SFI1: variants seen among roughly 807,000 people sequenced by gnomAD.
SFI1 encodes SFI1 centrin binding protein.
SFI1 carries 195 observed loss-of-function variants against 207.5 expected under a neutral mutation model. The observed-to-expected ratio is 0.94, with a 90% CI of 0.84 to 1.06. SFI1 has a LOEUF of 1.06. Ranked by LOEUF, SFI1 falls within the 50% of genes least tolerant of loss-of-function variation. SFI1 has a pLI of 0.00. For missense variants in SFI1, 1,634 were observed against 1,588.0 expected (o/e 1.03, Z -0.49); for synonymous variants, 630 against 598.9 (o/e 1.05, Z -0.76).
rs1185259950 is a variant in SFI1 at position 31,602,741 on chromosome 22, A to T, written c.1761A>T (p.Lys587Asn). Residue 587 changes from lysine (K) to asparagine (N), a missense_variant, in exon 17 of 33, where the codon AAA (lysine) becomes AAT (asparagine). By Grantham distance (94) the Lys-to-Asn change is moderately conservative. Coordinates refer to ENST00000400288, the MANE Select transcript of SFI1 (RefSeq NM_001007467.3). Reference sequence around the variant, plus strand: ...ACCACCGCCACGGGCGGCTCAAGAAAGCTTTCTGCCTCTGGAGGGAAAGTG... The same window carrying T: ...ACCACCGCCACGGGCGGCTCAAGAATGCTTTCTGCCTCTGGAGGGAAAGTG... The part of the protein sequence containing the change: ...CAHHRHGRLK[K>N]AFCLWRESAQ... 23 of 1,614,090 alleles carry T rather than the reference A, an allele frequency of 1.4e-5. No individual in the cohort carries two copies. Among genetic ancestry groups the T allele is most frequent in the Non-Finnish European group, 1.9e-5 (23 of 1,180,024 alleles).
At chr22:31,538,183 G>A (rs1224140328) in intron 4 of SFI1, among the ~76,000 whole-genome samples, 34 of 151,568 alleles carry the variant, frequency 2.2e-4, no homozygotes, top group Admixed American at 1.8e-3. Flanking sequence ...TGTTGGTCTC[G>A]AACTCCTAAC....
intron 4 of SFI1, 52 bp downstream of exon 4, chr22:31,531,181 C>A (rs1028305116): frequency 1.4e-6 from 2 of 1,455,010 alleles, no homozygotes; most frequent in African/African-American, 1.4e-5. Context: ...CTAGGGTTTT[C>A]TTTTATATTA....
intron 1 of SFI1, among the ~76,000 whole-genome samples, chr22:31,496,865 C>T (rs1478461581): frequency 6.6e-6 from 1 of 152,182 alleles, no homozygotes; most frequent in Non-Finnish European, 1.5e-5. Flanking sequence ...CTGCCATCCT[C>T]TCCCGCCGCG....
chr22:31,543,156 G>C (rs1409495570), intron 4 of SFI1, among the ~76,000 whole-genome samples: 1 of 151,766 alleles, frequency 6.6e-6, no homozygotes, highest in Non-Finnish European at 1.5e-5. Flanking sequence ...ATTTTTAATA[G>C]AGATGGGGTT....
At chr22:31,570,583 C>T (rs2145782838) in intron 8 of SFI1, among the ~76,000 whole-genome samples, 1 of 152,172 alleles carries the variant, frequency 6.6e-6, no homozygotes, top group South Asian at 2.1e-4. Context: ...TTCAGGAGTT[C>T]TTAGTAGGCA....
At chr22:31,511,485 T>TTTTC (rs1480397674) in intron 2 of SFI1, among the ~76,000 whole-genome samples, 1 of 138,748 alleles carries the variant, frequency 7.2e-6, no homozygotes, top group Non-Finnish European at 1.6e-5. Flanking sequence ...TTTTTTTTTT[T>TTTTC]TGAGATGGAG....
At chr22:31,589,417 G>C in intron 14 of SFI1, 30 bp from the exon 15 acceptor site, 2 of 1,562,588 alleles carry the variant, frequency 1.3e-6, no homozygotes, top group East Asian at 2.3e-5. Flanking sequence ...AAAAAGTTAA[G>C]TACAAAGGTT....
chr22:31,615,253 C>T lies in SFI1; in HGVS notation c.3274C>T (p.Pro1092Ser). The T allele has an allele frequency of 1.3e-6, 2 of 1,510,480 alleles. No individual in the cohort carries two copies. Among genetic ancestry groups the T allele is most frequent in the South Asian group, 2.6e-5 (2 of 77,428 alleles). 93.6% of individuals were successfully genotyped at this position (1,510,480 alleles called of 1,614,324 possible). A position where few individuals can be genotyped will look rare whatever the true frequency, so the allele number is the denominator to read the frequency against. ...GCTGCTGCCTCTTTCCTCCTTCATGCCCTGCGGGGCGGCTGCACCAGCCAG... is the reference window on the plus strand; with the variant it reads ...GCTGCTGCCTCTTTCCTCCTTCATGTCCTGCGGGGCGGCTGCACCAGCCAG... Reference protein sequence around the residue: ...LLLLPLSSFMPCGAAAPARVS... With the variant: ...LLLLPLSSFMSCGAAAPARVS... The change falls in exon 29 of 33, where the codon CCC becomes TCC. Residue 1092 changes from proline (P) to serine (S), a missense_variant. Pro to Ser is a moderately conservative substitution (Grantham distance 74). Transcript: ENST00000400288.
At position 31,573,082 on chromosome 22, in the gene SFI1, C is replaced by T. The variant is rs746012561; in HGVS notation, c.790C>T (p.Leu264Phe). The change falls in exon 9 of 33, where the codon CTC (leucine) becomes TTC (phenylalanine). Residue 264 changes from leucine (L) to phenylalanine (F), a missense_variant. Physicochemically the swap from Leu to Phe is conservative, Grantham distance 22. Coordinates refer to ENST00000400288, the MANE Select transcript of SFI1 (RefSeq NM_001007467.3). ...GGCTTGGTCACAGTGGCGGGAACAG[C>T]TCCTGTATGTCCAGAAGGAGAAACA... ...VQAWSQWREQ[L>F]LYVQKEKQKV... The T allele has an allele frequency of 1.9e-6, 3 of 1,609,316 alleles. No individual in the cohort carries two copies. The South Asian group carries it at 3.3e-5, about 18-fold the overall frequency.
chr22:31,596,920 C>T (rs1256301069), intron 15 of SFI1, among the ~76,000 whole-genome samples: 4 of 150,572 alleles, frequency 2.7e-5, no homozygotes, highest in Non-Finnish European at 5.9e-5. Flanking sequence ...CACGCACACA[C>T]GGTACCCGTT....
intron 4 of SFI1, among the ~76,000 whole-genome samples, chr22:31,544,127 T>A (rs1405751062): frequency 9.9e-5 from 15 of 152,136 alleles, no homozygotes; most frequent in Admixed American, 9.8e-4. Context: ...AGGTGGAGAT[T>A]ACAGTGAGCA....
intron 2 of SFI1, among the ~76,000 whole-genome samples, chr22:31,512,286 C>T (rs1234822045): frequency 1.3e-5 from 2 of 148,636 alleles, no homozygotes; most frequent in Non-Finnish European, 3.0e-5. Flanking sequence ...ACCCGGGAGG[C>T]GGAGGTTGCG....
At chr22:31,502,915 A>G (rs1390114617) in intron 1 of SFI1, among the ~76,000 whole-genome samples, 1 of 151,850 alleles carries the variant, frequency 6.6e-6, no homozygotes, top group African/African-American at 2.4e-5. Context: ...GGAATTCAAG[A>G]CCAGTCTAGC....
Position 31,531,085 on chromosome 22 carries a change from A to T in SFI1, c.294A>T (p.Leu98Phe), listed in dbSNP as rs1041564046. Residue 98 changes from leucine (L) to phenylalanine (F), a missense_variant, in exon 4 of 33, where the codon TTA becomes TTT. Physicochemically the swap from Leu to Phe is conservative, Grantham distance 22. Transcript: ENST00000400288. ...IRCVARKFLY[L>F]WIRMTFGRVF... ...GCGTGGCCAGAAAGTTCTTATATTT[A>T]TGGATTCGAATGACTTTTGGAAGAG... 1 of 1,613,324 alleles carries T rather than the reference A, an allele frequency of 6.2e-7. No individual in the cohort carries two copies. The highest frequency in any genetic ancestry group is 1.3e-5 in the African/African-American group (1 of 74,846).
upstream of SFI1, chr22:31,496,333 G>C (rs536795144): frequency 6.6e-6 from 1 of 152,418 alleles, no homozygotes; most frequent in South Asian, 2.1e-4. Flanking sequence ...CCTCGGTGGG[G>C]ATGCCCAGAG....
chr22:31,612,393 AAAAAAATATATATATATAT>A (rs1229279243), intron 24 of SFI1: 3 of 116,190 alleles, frequency 2.6e-5, no homozygotes, highest in African/African-American at 1.0e-4. Flanking sequence ...AAAAAAAAAA[AAAAAAATATATATATATAT>A]ATATATATAT....
intron 15 of SFI1, among the ~76,000 whole-genome samples, chr22:31,594,035 C>T (rs2066661900): frequency 6.9e-6 from 1 of 144,526 alleles, no homozygotes; most frequent in Admixed American, 7.0e-5. Context: ...AGGGAGGTGT[C>T]CATCTTTATT....
chr22:31,527,529 G>A (rs554710697), intron 2 of SFI1, among the ~76,000 whole-genome samples: 1 of 152,320 alleles, frequency 6.6e-6, no homozygotes, highest in South Asian at 2.1e-4. Flanking sequence ...AATCCCAGGA[G>A]TTCAAGACCA....
chr22:31,592,951 A>C (rs1209519579), intron 15 of SFI1, among the ~76,000 whole-genome samples: 9 of 72,420 alleles, frequency 1.2e-4, no homozygotes, highest in Non-Finnish European at 1.6e-4. Context: ...GGCGCCCCTC[A>C]CCTCCCGGAC....
Sources: allele counts gnomAD v4.1 joint callset (sites outside exome capture counted in the v4.1 genomes callset), GRCh38; gene constraint gnomAD v4.1.1; transcripts MANE v1.5; gene names NCBI Gene and HGNC (gene_info 2026-07-23, HGNC 2026-07-21).